Variants in COL4A5 observed in about 807,000 individuals in gnomAD.
COL4A5 encodes the protein collagen alpha-5(IV) chain.
In COL4A5, 26 loss-of-function variants were observed where a neutral mutation model predicts 130.2. The observed-to-expected ratio is 0.20, with a 90% CI of 0.15 to 0.28. The LOEUF (loss-of-function observed/expected upper bound fraction) is 0.28, where lower values mean the gene tolerates loss of function less well. Ranked by LOEUF, COL4A5 falls within the 10% of genes least tolerant of loss-of-function variation. The pLI is 1.00. For synonymous variants in COL4A5, 496 were observed against 439.6 expected, an observed-to-expected ratio of 1.13 and a Z score of -1.60; for missense variants, 1,131 against 1,344.3, an observed-to-expected ratio of 0.84 and a Z score of 2.48.
At chrX:108,683,132 C>A (rs2068470555) in intron 47 of COL4A5, among the ~76,000 whole-genome samples, 2 of 111,902 alleles carry the variant, frequency 1.8e-5, no homozygotes, top group Non-Finnish European at 3.8e-5. Context: ...GTTTTCCCAA[C>A]ACCATTTGAA....
At chrX:108,659,404 T>A (rs2067908463) in intron 37 of COL4A5, among the ~76,000 whole-genome samples, 1 of 111,171 alleles carries the variant, frequency 9.0e-6, no homozygotes, top group Non-Finnish European at 1.9e-5. Context: ...GTCCATTAGG[T>A]CAGGTTTGTT....
chrX:108,542,234 A>G (rs1388413256), intron 2 of COL4A5, among the ~76,000 whole-genome samples: 2 of 110,384 alleles, frequency 1.8e-5, no homozygotes, highest in Non-Finnish European at 3.8e-5. Flanking sequence ...CATTAGGTAT[A>G]TCTCCTAATG....
At chrX:108,654,408 A>T (rs935657455) in intron 36 of COL4A5, among the ~76,000 whole-genome samples, 1 of 112,309 alleles carries the variant, frequency 8.9e-6, no homozygotes, top group Non-Finnish European at 1.9e-5. Flanking sequence ...CTTGGGGTAA[A>T]CTCTCTTTGC....
intron 1 of COL4A5, among the ~76,000 whole-genome samples, chrX:108,504,855 G>T (rs1034208066): frequency 2.5e-4 from 28 of 112,030 alleles, no homozygotes; most frequent in African/African-American, 8.4e-4. Flanking sequence ...ACTCAAAGTA[G>T]ACCTACCATT....
chrX:108,695,013 A>G (rs754669911), intron 51 of COL4A5, 92 bp downstream of exon 51: 4 of 764,213 alleles, frequency 5.2e-6, no homozygotes, highest in Non-Finnish European at 8.1e-6. Context: ...TGTCATTTGC[A>G]TAATAAGAAG....
intron 1 of COL4A5, among the ~76,000 whole-genome samples, chrX:108,508,635 G>A (rs1216708521): frequency 9.3e-6 from 1 of 107,370 alleles, no homozygotes; most frequent in Non-Finnish European, 1.9e-5. Flanking sequence ...GAACAAAGCT[G>A]GAGGCATCAC....
At chrX:108,532,601 A>T (rs945762899) in intron 1 of COL4A5, among the ~76,000 whole-genome samples, 1 of 111,494 alleles carries the variant, frequency 9.0e-6, no homozygotes. Context: ...AGTGAAAAAT[A>T]AAAAAGGCAT....
intron 37 of COL4A5, 118 bp from the exon 38 acceptor site, chrX:108,665,389 T>G: frequency 2.0e-6 from 1 of 498,051 alleles, no homozygotes; most frequent in Non-Finnish European, 3.5e-6. Context: ...CAGCATCTTT[T>G]GGGTTTCTTT....
chrX:108,582,015 C>T (rs181846092), intron 16 of COL4A5, among the ~76,000 whole-genome samples: 19 of 109,955 alleles, frequency 1.7e-4, no homozygotes, highest in South Asian at 3.9e-4. Context: ...CAAGAGTATC[C>T]GCAGTAGGCA....
chrX:108,643,973 A>G (rs1049239330), intron 36 of COL4A5, among the ~76,000 whole-genome samples: 1 of 111,997 alleles, frequency 8.9e-6, no homozygotes, highest in Non-Finnish European at 1.9e-5. Flanking sequence ...TCACCAACCA[A>G]TGATCTGCTG....
chrX:108,643,134 T>C (rs2067505592), intron 36 of COL4A5, among the ~76,000 whole-genome samples: 1 of 111,414 alleles, frequency 9.0e-6, no homozygotes. Context: ...GTCTCAGCAA[T>C]AGAATTGAAC....
intron 36 of COL4A5, among the ~76,000 whole-genome samples, chrX:108,639,059 C>T (rs1239320232): frequency 9.0e-6 from 1 of 110,624 alleles, no homozygotes; most frequent in Non-Finnish European, 1.9e-5. Context: ...TAGTCTAATT[C>T]ACAAGGAAAT....
intron 3 of COL4A5, among the ~76,000 whole-genome samples, chrX:108,561,090 T>C (rs771381493): frequency 1.8e-5 from 2 of 111,881 alleles, no homozygotes; most frequent in African/African-American, 6.5e-5. Flanking sequence ...TTAGGGTACA[T>C]GAAGTACTAA....
In COL4A5 at chrX:108,667,159, C is replaced by A. The variant is rs778718184; in HGVS notation, c.3580C>A (p.Pro1194Thr). ...TCAACCAGGCTTTGGAAACCCAGGA[C>A]CCCCTGGACTTCCAGGACTTTCTGG... Reference protein sequence around the residue: ...PGQPGFGNPGPPGLPGLSGQK... With the variant: ...PGQPGFGNPGTPGLPGLSGQK... Residue 1194 changes from proline to threonine, a missense_variant, in exon 40 of 53, where the codon CCC becomes ACC. By Grantham distance (38) the Pro-to-Thr change is conservative. Transcript: ENST00000328300. The A allele has an allele frequency of 5.0e-6, 6 of 1,209,424 alleles. No individual in the cohort carries two copies. In the Admixed American group the frequency reaches 1.3e-4, roughly 26 times the overall value.
At chrX:108,612,365 A>G (rs1009731714) in intron 29 of COL4A5, among the ~76,000 whole-genome samples, 1 of 111,403 alleles carries the variant, frequency 9.0e-6, no homozygotes, top group Non-Finnish European at 1.9e-5. Context: ...AAAACTCCCT[A>G]TATTCATAGA....
chrX:108,554,268 T>A (rs2065791707), intron 2 of COL4A5, among the ~76,000 whole-genome samples: 2 of 111,972 alleles, frequency 1.8e-5, no homozygotes, highest in South Asian at 7.5e-4. Context: ...CGCATGGCTG[T>A]GCGACCTCAG....
At chrX:108,624,626 C>T (rs778047620) in intron 34 of COL4A5, among the ~76,000 whole-genome samples, 14 of 112,080 alleles carry the variant, frequency 1.2e-4, no homozygotes, top group Non-Finnish European at 2.3e-4. Context: ...TGTTTTGTTA[C>T]ATACATTGCA....
intron 1 of COL4A5, among the ~76,000 whole-genome samples, chrX:108,488,791 C>G (rs914547269): frequency 9.0e-6 from 1 of 111,346 alleles, no homozygotes; most frequent in Non-Finnish European, 1.9e-5. Context: ...TTAACTTATA[C>G]CTGCAGGTAT....
At chrX:108,679,348 T>C (rs762650696) in intron 44 of COL4A5, among the ~76,000 whole-genome samples, 1 of 112,006 alleles carries the variant, frequency 8.9e-6, no homozygotes, top group East Asian at 2.8e-4. Context: ...ACTCTAGCAC[T>C]ACCTCCACAT....
Sources: gnomAD v4.1 joint callset for allele counts (sites outside exome capture counted in the v4.1 genomes callset) on GRCh38, gnomAD v4.1.1 for gene constraint, MANE v1.5 for transcripts, NCBI Gene and HGNC (gene_info 2026-07-23, HGNC 2026-07-21) for gene names.